Variants in HSD17B4 observed in about 807,000 individuals in gnomAD.
HSD17B4 encodes peroxisomal multifunctional enzyme type 2.
In HSD17B4, 70 loss-of-function variants were observed where a neutral mutation model predicts 101.0. The ratio of observed to expected loss-of-function variants is 0.69; its 90% confidence interval spans 0.57 to 0.85. HSD17B4 has a LOEUF of 0.85. Ranked by LOEUF, HSD17B4 falls within the 40% of genes least tolerant of loss-of-function variation. The pLI, the probability that HSD17B4 is intolerant of heterozygous loss-of-function variation, is 0.00. For synonymous variants in HSD17B4, 347 were observed against 297.1 expected (o/e 1.17, Z -1.73); for missense variants, 984 against 892.4 (o/e 1.10, Z -1.31).
intron 11 of HSD17B4, among the ~76,000 whole-genome samples, 171 bp from the exon 12 acceptor site, chr5:119,496,372 C>G (rs372252037): frequency 6.6e-6 from 1 of 152,138 alleles, no homozygotes; most frequent in Non-Finnish European, 1.5e-5. Context: ...TTCAGTCTTT[C>G]GCAATTTTTT....
Position 119,498,767 on chromosome 5 carries a change from C to G in HSD17B4, c.973-550C>G, listed in dbSNP as rs1250148758. On this transcript the variant is annotated intron_variant, in intron 12 of 23. Coordinates refer to ENST00000510025, the MANE Select transcript of HSD17B4 (RefSeq NM_000414.4). ...TGGTGGCACGGGCCTGTAGTCCCAG[C>G]TACTCGGGAAGCTGAGGCAGGAGAA... Among the ~76,000 whole-genome samples the G allele has an allele frequency of 4.6e-5, 7 of 152,242 alleles. No homozygotes were observed. In the East Asian group the frequency reaches 9.7e-4, roughly 21 times the overall value.
intron 21 of HSD17B4, among the ~76,000 whole-genome samples, chr5:119,530,555 G>GAA (rs35747045): frequency 1.6e-4 from 24 of 147,526 alleles, no homozygotes; most frequent in Admixed American, 2.7e-4. Context: ...AATAGTCTAA[G>GAA]AAAAAAAAAA....
intron 8 of HSD17B4, among the ~76,000 whole-genome samples, chr5:119,482,751 C>T (rs968617819): frequency 6.6e-6 from 1 of 151,966 alleles, no homozygotes; most frequent in Non-Finnish European, 1.5e-5. Flanking sequence ...TTGCAGCTCT[C>T]ACTTGTAATT....
intron 2 of HSD17B4, among the ~76,000 whole-genome samples, chr5:119,467,463 G>C (rs1395808206): frequency 2.0e-5 from 3 of 152,152 alleles, no homozygotes; most frequent in African/African-American, 7.2e-5. Context: ...TTATATATCT[G>C]GGTGTTCCAG....
intron 4 of HSD17B4, 89 bp from the exon 5 acceptor site, chr5:119,475,617 A>G: frequency 9.6e-7 from 1 of 1,042,738 alleles, no homozygotes; most frequent in Non-Finnish European, 1.5e-6. Flanking sequence ...TGGTTAAAAA[A>G]CGCCAGTTTT....
chr5:119,468,491 A>G (rs898999766), intron 2 of HSD17B4, among the ~76,000 whole-genome samples: 1 of 150,832 alleles, frequency 6.6e-6, no homozygotes, highest in Non-Finnish European at 1.5e-5. Context: ...ATCTGCTGTT[A>G]GTCTAATAAG....
At chr5:119,497,053 G>A (rs1177208291) in intron 12 of HSD17B4, among the ~76,000 whole-genome samples, 2 of 152,188 alleles carry the variant, frequency 1.3e-5, no homozygotes, top group African/African-American at 4.8e-5. Flanking sequence ...TTGGGTATCA[G>A]TTTCCAAGGT....
intron 4 of HSD17B4, 141 bp downstream of exon 4, chr5:119,474,601 T>C: frequency 1.4e-6 from 1 of 692,346 alleles, no homozygotes; most frequent in Non-Finnish European, 2.6e-6. Context: ...AGTTAATTAT[T>C]GTACTTATTT....
chr5:119,494,325 T>TTTTCTTTCTTTCCTTC lies in HSD17B4; in HGVS notation c.868+391_868+392insCTTCTTTCTTTCTTTC, dbSNP rs1554064683. On this transcript the variant is annotated intron_variant, in intron 11 of 23. Coordinates refer to ENST00000510025, the MANE Select transcript of HSD17B4 (RefSeq NM_000414.4). ...TTCTCTTTCTTCCTTTCTTTCTTTC[T>TTTTCTTTCTTTCCTTC]TTTCTTTCTTTCTTTCTTTCTTTCT... 1.6e-3 allele frequency among the ~76,000 whole-genome samples: 179 copies of TTTTCTTTCTTTCCTTC among 111,614 alleles called. 2 individuals carry two copies. Among genetic ancestry groups the TTTTCTTTCTTTCCTTC allele is most frequent in the Admixed American group, 2.8e-3 (29 of 10,476 alleles). The allele number at this position is 111,614 out of a possible 152,430, so 73.2% of individuals were successfully genotyped here.
chr5:119,518,587 T>G (rs1752852508), intron 17 of HSD17B4, among the ~76,000 whole-genome samples: 1 of 152,060 alleles, frequency 6.6e-6, no homozygotes, highest in Non-Finnish European at 1.5e-5. Flanking sequence ...GAGCATGACG[T>G]GTGTATAAGG....
intron 22 of HSD17B4, among the ~76,000 whole-genome samples, chr5:119,533,886 C>G (rs964608895): frequency 7.2e-5 from 11 of 152,036 alleles, no homozygotes; most frequent in Non-Finnish European, 1.3e-4. Flanking sequence ...TTCCATTTGT[C>G]TGTAAACAAA....
chr5:119,491,521 G>GA (rs34387330), intron 9 of HSD17B4, among the ~76,000 whole-genome samples: 93,211 of 149,510 alleles, frequency 0.62, 29,546 homozygotes, highest in East Asian at 0.93. Flanking sequence ...TTATAGCAGT[G>GA]AAAATTTATC....
chr5:119,461,262 A>G (rs1271845972), intron 2 of HSD17B4, among the ~76,000 whole-genome samples: 7 of 152,378 alleles, frequency 4.6e-5, no homozygotes, highest in Admixed American at 4.6e-4. Flanking sequence ...TTACAAATCT[A>G]TAAGCAAGTA....
Position 119,506,909 on chromosome 5 carries a change from TATA to T in HSD17B4, c.1333+27_1333+29del. 1.6e-6 allele frequency: 2 copies of T among 1,236,222 alleles called. No individual in the cohort carries two copies. Among genetic ancestry groups the T allele is most frequent in the Admixed American group, 1.7e-5 (1 of 59,166 alleles). The allele number at this position is 1,236,222 out of a possible 1,614,324, so 76.6% of individuals were successfully genotyped here. A position where few individuals can be genotyped will look rare whatever the true frequency, so the allele number is the denominator to read the frequency against. ...TGGATGGTAATTTATTTACAATTCTTATAATAATATTGTTAGATTGATAGGCTT... is the reference window on the plus strand; with the variant it reads ...TGGATGGTAATTTATTTACAATTCTTATAATATTGTTAGATTGATAGGCTT... On this transcript the variant is annotated intron_variant, in intron 15 of 23. Transcript: ENST00000510025.
chr5:119,456,569 A>G (rs1392878521), intron 2 of HSD17B4: 3 of 579,594 alleles, frequency 5.2e-6, no homozygotes, highest in Admixed American at 3.0e-5. Context: ...CAGAATTCCC[A>G]GCTTAACAGA....
At chr5:119,460,410 G>C (rs535591886) in intron 2 of HSD17B4, among the ~76,000 whole-genome samples, 2 of 152,122 alleles carry the variant, frequency 1.3e-5, no homozygotes. Context: ...TAAATGAGCC[G>C]TACATGAAAT....
chr5:119,462,891 T>C lies in HSD17B4; in HGVS notation c.112+6523T>C, dbSNP rs571844687. ...CCTCTCTTCTAGCTATTTGAAAATA[T>C]AGTATAAATTATTGTTGGCCATAAT... On this transcript the variant is annotated intron_variant, in intron 2 of 23. Coordinates refer to ENST00000510025, the MANE Select transcript of HSD17B4 (RefSeq NM_000414.4). Among the ~76,000 whole-genome samples the C allele has an allele frequency of 4.6e-5, 7 of 152,314 alleles. No homozygotes were observed. The South Asian group carries it at 1.2e-3, about 27-fold the overall frequency.
intron 16 of HSD17B4, among the ~76,000 whole-genome samples, chr5:119,512,703 A>G (rs1046285596): frequency 6.6e-6 from 1 of 152,378 alleles, no homozygotes; most frequent in Admixed American, 6.5e-5. Context: ...CTTATAAGAA[A>G]TCCTAAATAA....
At chr5:119,505,879 C>A (rs1316758379) in intron 14 of HSD17B4, among the ~76,000 whole-genome samples, 52 of 151,732 alleles carry the variant, frequency 3.4e-4, no homozygotes, top group Non-Finnish European at 1.5e-5. Flanking sequence ...CAAAAGACAC[C>A]AAGAGGAGTC....
Sources: gnomAD v4.1 joint callset for allele counts (sites outside exome capture counted in the v4.1 genomes callset) on GRCh38, gnomAD v4.1.1 for gene constraint, MANE v1.5 for transcripts, NCBI Gene and HGNC (gene_info 2026-07-23, HGNC 2026-07-21) for gene names.